Variants in ABHD2 observed in about 807,000 individuals in gnomAD.
ABHD2 encodes the protein monoacylglycerol lipase ABHD2.
A neutral mutation model predicts 48.1 loss-of-function variants in ABHD2; 20 were observed. That is an observed-to-expected ratio of 0.42 (90% CI 0.29 to 0.60). The LOEUF is 0.60. ABHD2 is among the 20% of genes least tolerant of loss of function. The pLI, the probability that ABHD2 is intolerant of heterozygous loss-of-function variation, is 0.24. For synonymous variants in ABHD2, 209 were observed against 214.2 expected (o/e 0.98, Z 0.21); for missense variants, 405 against 550.9 (o/e 0.74, Z 2.65).
In ABHD2 at chr15:89,168,588, G is replaced by A. The variant is rs2050872201; in HGVS notation, c.539-7224G>A. 6.6e-6 allele frequency among the ~76,000 whole-genome samples: 1 copy of A among 152,162 alleles called. No homozygotes were observed. Among genetic ancestry groups the A allele is most frequent in the Admixed American group, 6.5e-5 (1 of 15,280 alleles). On this transcript the variant is annotated intron_variant, in intron 5 of 10. Transcript: ENST00000352732. This position sits in a 1 kb window ranked among gnomAD's most constrained non-coding sequence, Gnocchi z 4.8. Reference sequence around the variant, plus strand: ...AGTCTGTCTGACATCAGGCAGGGTTGGCCCTTTATCCAGATCAGATGTGTT... The same window carrying A: ...AGTCTGTCTGACATCAGGCAGGGTTAGCCCTTTATCCAGATCAGATGTGTT...
upstream of ABHD2, among the ~76,000 whole-genome samples, chr15:89,086,827 G>C (rs1199724838): frequency 1.3e-5 from 2 of 152,212 alleles, no homozygotes. Context: ...TTTTAACTCA[G>C]AGTCAGGACG....
In ABHD2 at chr15:89,195,088, G is replaced by A; in HGVS notation, c.1082-139G>A. On this transcript the variant is annotated intron_variant, in intron 10 of 10. Coordinates refer to ENST00000352732, the MANE Select transcript of ABHD2 (RefSeq NM_152924.5). This position sits in a 1 kb window ranked among gnomAD's most constrained non-coding sequence, Gnocchi z 5.1. The stretch of plus-strand genomic sequence containing the variant: ...GCCTGCCCCCTCTTTGGTGAACAAG[G>A]CAGAGTGAGTAGAGGTTGGATGCCC... The A allele has an allele frequency of 1.1e-6, 1 of 889,734 alleles. No individual in the cohort carries two copies. Among genetic ancestry groups the A allele is most frequent in the South Asian group, 1.7e-5 (1 of 58,666 alleles). 55.1% of individuals were successfully genotyped at this position (889,734 alleles called of 1,614,324 possible). A position where few individuals can be genotyped will look rare whatever the true frequency, so the allele number is the denominator to read the frequency against.
chr15:89,122,045 G>A (rs1318217515), intron 3 of ABHD2, among the ~76,000 whole-genome samples: 1 of 152,080 alleles, frequency 6.6e-6, no homozygotes, highest in South Asian at 2.1e-4. Flanking sequence ...GCCCAGTCTG[G>A]TCTCAAACTC....
chr15:89,168,653 A>G lies in ABHD2; in HGVS notation c.539-7159A>G, dbSNP rs2050873073. Among the ~76,000 whole-genome samples, 1 of 152,266 alleles carries G rather than the reference A, an allele frequency of 6.6e-6. No individual in the cohort carries two copies. Among genetic ancestry groups the G allele is most frequent in the Admixed American group, 6.5e-5 (1 of 15,286 alleles). On this transcript the variant is annotated intron_variant, in intron 5 of 10. Transcript: ENST00000352732. The surrounding 1 kb of genome is among the most constrained non-coding windows in gnomAD (Gnocchi z 4.8). ...TTGAGGCTCCCAAAGTGCCTACACA[A>G]TTAGCTGTAATTGCTCCTCAGTAGT...
At chr15:89,044,875 G>A in the ABHD2 span, among the ~76,000 whole-genome samples, 1 of 151,712 alleles carries the variant, frequency 6.6e-6, no homozygotes, top group African/African-American at 2.4e-5. Flanking sequence ...TCTGATGGTA[G>A]TTTCTTTTGC....
intron 5 of ABHD2, among the ~76,000 whole-genome samples, chr15:89,161,958 C>T (rs2050769010): frequency 6.6e-6 from 1 of 152,192 alleles, no homozygotes; most frequent in South Asian, 2.1e-4. Context: ...TTGTAAATGA[C>T]TGTTTTCTTG....
intron 5 of ABHD2, among the ~76,000 whole-genome samples, chr15:89,158,927 G>A (rs1349830997): frequency 6.6e-6 from 1 of 151,802 alleles, no homozygotes; most frequent in Non-Finnish European, 1.5e-5. Context: ...CCCTCCCAAA[G>A]TGCTGGGATT....
At chr15:89,080,198 C>A in the ABHD2 span, among the ~76,000 whole-genome samples, 1 of 152,218 alleles carries the variant, frequency 6.6e-6, no homozygotes, top group Non-Finnish European at 1.5e-5. Context: ...ACTGTCTCTG[C>A]CTGAGTTCCC....
At chr15:89,073,248 C>T in the ABHD2 span, among the ~76,000 whole-genome samples, 9 of 152,074 alleles carry the variant, frequency 5.9e-5, no homozygotes, top group Non-Finnish European at 1.2e-4. Flanking sequence ...AAAAAAGGGA[C>T]CTAGGTGTGA....
chr15:89,183,376 A>ATAT (rs1555433598), intron 6 of ABHD2: 3 of 75,870 alleles, frequency 4.0e-5, no homozygotes, highest in African/African-American at 1.4e-4. Flanking sequence ...TTCAAAAAAA[A>ATAT]AAAAAAAAAT....
At chr15:89,172,931 C>G (rs2050953241) in intron 5 of ABHD2, among the ~76,000 whole-genome samples, 1 of 152,204 alleles carries the variant, frequency 6.6e-6, no homozygotes, top group South Asian at 2.1e-4. Context: ...AAGATTTTCC[C>G]TGTATACGGG....
Position 89,176,134 on chromosome 15 carries a change from C to A in ABHD2, c.722+139C>A. The A allele has an allele frequency of 1.1e-6, 1 of 893,868 alleles. No homozygotes were observed. Among genetic ancestry groups the A allele is most frequent in the Non-Finnish European group, 1.6e-6 (1 of 608,822 alleles). 55.4% of individuals were successfully genotyped at this position (893,868 alleles called of 1,614,324 possible). A position where few individuals can be genotyped will look rare whatever the true frequency, so the allele number is the denominator to read the frequency against. ...AGAAGTTTCTGAGTCTTGGACTCAC[C>A]TTGTTTTGTCTGCATATCATACATT... is the stretch of plus-strand genomic sequence containing the variant. On this transcript the variant is annotated intron_variant, in intron 6 of 10. Transcript: ENST00000352732. This position sits in a 1 kb window ranked among gnomAD's most constrained non-coding sequence, Gnocchi z 4.5.
chr15:89,107,099 G>C lies in ABHD2; in HGVS notation c.-106-6626G>C, dbSNP rs76161597. ...GCAAGAGGGGATTTTTACCTGCAGG[G>C]AAGAATGGGTAGTCTTTCCATGGGC... On this transcript the variant is annotated intron_variant, in intron 1 of 10. Transcript: ENST00000352732. Among the ~76,000 whole-genome samples, 1,486 of 152,254 alleles carry C rather than the reference G, an allele frequency of 9.8e-3. 25 individuals carry two copies. The highest frequency in any genetic ancestry group is 0.033 in the African/African-American group (1,352 of 41,536).
the ABHD2 span, among the ~76,000 whole-genome samples, chr15:89,069,749 A>G: frequency 1.6e-5 from 2 of 123,082 alleles, no homozygotes. Context: ...GCATGATCTC[A>G]GCTTACTGCA....
At chr15:89,093,451 G>T (rs919643506) in intron 1 of ABHD2, among the ~76,000 whole-genome samples, 1 of 152,040 alleles carries the variant, frequency 6.6e-6, no homozygotes, top group Non-Finnish European at 1.5e-5. Flanking sequence ...GATTACAGAC[G>T]TGAGCCACCG....
At position 89,155,440 on chromosome 15, in the gene ABHD2, C is replaced by G; in HGVS notation, c.444C>G (p.Asp148Glu). ...AGCAATACATCCGCACTTTCGTTGA[C>G]TACGCCCAGAAAAATGGCTATCGGT... The part of the protein sequence containing the change: ...SEKQYIRTFV[D>E]YAQKNGYRCA... The change falls in exon 5 of 11, where the codon GAC becomes GAG. Residue 148 changes from aspartate to glutamate, a missense_variant. Asp to Glu is a conservative substitution (Grantham distance 45). Transcript: ENST00000352732. This position sits in a 1 kb window ranked among gnomAD's most constrained non-coding sequence, Gnocchi z 4.9. The G allele has an allele frequency of 6.2e-7, 1 of 1,614,220 alleles. No individual in the cohort carries two copies. Among genetic ancestry groups the G allele is most frequent in the East Asian group, 2.2e-5 (1 of 44,888 alleles).
rs1399495929 is a variant in ABHD2, at chr15:89,195,228, G to A, written c.1083G>A (p.Glu361=). The change falls in exon 11 of 11, where the codon GAG becomes GAA. Residue 361 remains glutamate, a splice_region_variant and synonymous_variant. Coordinates refer to ENST00000352732, the MANE Select transcript of ABHD2 (RefSeq NM_152924.5). The surrounding 1 kb of genome is among the most constrained non-coding windows in gnomAD (Gnocchi z 5.1). Reference sequence around the variant, plus strand: ...CACTCAGCTGCGTTTCCCCTGCAGAGAAACGAGAGAACGTCATGTTTGTGC... The same window carrying A: ...CACTCAGCTGCGTTTCCCCTGCAGAAAAACGAGAGAACGTCATGTTTGTGC... The part of the protein sequence containing the change: ...SLLTIPKSLS[E]KRENVMFVLP... The A allele has an allele frequency of 6.2e-7, 1 of 1,612,908 alleles. No individual in the cohort carries two copies. The highest frequency in any genetic ancestry group is 8.5e-7 in the Non-Finnish European group (1 of 1,179,266).
Position 89,176,807 on chromosome 15 carries a change from A to C in ABHD2, c.722+812A>C, listed in dbSNP as rs569335346. Among the ~76,000 whole-genome samples, 2 of 152,304 alleles carry C rather than the reference A, an allele frequency of 1.3e-5. No homozygotes were observed. Among genetic ancestry groups the C allele is most frequent in the African/African-American group, 4.8e-5 (2 of 41,572 alleles). ...CCAGTTATTAAAAATCTGATGAAAA[A>C]ATTTGAAACACACGGGAAAGTTTAA... On this transcript the variant is annotated intron_variant, in intron 6 of 10. Coordinates refer to ENST00000352732, the MANE Select transcript of ABHD2 (RefSeq NM_152924.5). This position sits in a 1 kb window ranked among gnomAD's most constrained non-coding sequence, Gnocchi z 4.5.
chr15:89,091,166 A>AC lies in ABHD2; in HGVS notation c.-107+2604dup, dbSNP rs1449147840. Reference sequence around the variant, plus strand: ...TTCCTTTATCGCCTGCGTGGGTCTGACAAATAGGCACTCTCAGTGTGCCAG... The same window carrying AC: ...TTCCTTTATCGCCTGCGTGGGTCTGACCAAATAGGCACTCTCAGTGTGCCAG... On this transcript the variant is annotated intron_variant, in intron 1 of 10. Coordinates refer to ENST00000352732, the MANE Select transcript of ABHD2 (RefSeq NM_152924.5). This position sits in a 1 kb window ranked among gnomAD's most constrained non-coding sequence, Gnocchi z 5.5. Among the ~76,000 whole-genome samples, 2 of 152,038 alleles carry AC rather than the reference A, an allele frequency of 1.3e-5. No individual in the cohort carries two copies.
Sources: allele counts gnomAD v4.1 joint callset (sites outside exome capture counted in the v4.1 genomes callset), GRCh38; gene constraint gnomAD v4.1.1; non-coding constraint Gnocchi (gnomAD v3.1); transcripts MANE v1.5; gene names NCBI Gene and HGNC (gene_info 2026-07-23, HGNC 2026-07-21).